TMEM108: variants seen among roughly 807,000 people sequenced by gnomAD.
The protein encoded by TMEM108 is transmembrane protein 108.
In TMEM108, 12 loss-of-function variants were observed where a neutral mutation model predicts 35.1. That is an observed-to-expected ratio of 0.34 (90% CI 0.22 to 0.55). TMEM108 has a LOEUF of 0.55. TMEM108 is among the 20% of genes least tolerant of loss of function. The probability of loss-of-function intolerance (pLI) is 0.89; values close to 1 mark genes in which losing one functional copy is unlikely to be tolerated. For missense variants in TMEM108, 680 were observed against 753.3 expected (o/e 0.90, Z 1.14); for synonymous variants, 287 against 308.6 (o/e 0.93, Z 0.73).
intron 2 of TMEM108, among the ~76,000 whole-genome samples, chr3:133,170,276 A>G (rs954853938): frequency 2.0e-5 from 3 of 152,214 alleles, no homozygotes; most frequent in African/African-American, 7.2e-5. Flanking sequence ...ATGCAAACAC[A>G]GGACTAAGTT....
At chr3:133,338,140 A>G (rs1400703081) in intron 3 of TMEM108, among the ~76,000 whole-genome samples, 1 of 152,198 alleles carries the variant, frequency 6.6e-6, no homozygotes, top group Non-Finnish European at 1.5e-5. Context: ...TAGAAAGTTT[A>G]TTGAAAGGGA....
chr3:133,072,568 C>T (rs1943688837), intron 2 of TMEM108, among the ~76,000 whole-genome samples: 1 of 152,044 alleles, frequency 6.6e-6, no homozygotes, highest in South Asian at 2.1e-4. Context: ...CCAAAGAATA[C>T]CCCACGGAAG....
At chr3:133,307,230 T>C (rs918988529) in intron 3 of TMEM108, among the ~76,000 whole-genome samples, 1 of 152,220 alleles carries the variant, frequency 6.6e-6, no homozygotes, top group African/African-American at 2.4e-5. Context: ...CTTGTTTTTT[T>C]CTTGTAAATT....
At chr3:133,291,545 T>C (rs959374864) in intron 3 of TMEM108, among the ~76,000 whole-genome samples, 1 of 152,232 alleles carries the variant, frequency 6.6e-6, no homozygotes, top group Middle Eastern at 3.4e-3. Context: ...CCCAAAGTGC[T>C]GGGATTACAG....
At position 133,273,857 on chromosome 3, in the gene TMEM108, GAAGACTTAGGGTCAGGCGT is replaced by G. The variant is rs1946804090; in HGVS notation, c.40+44509_40+44527del. Among the ~76,000 whole-genome samples the G allele has an allele frequency of 3.9e-5, 6 of 152,302 alleles. No individual in the cohort carries two copies. In the South Asian group the frequency reaches 1.2e-3, roughly 32 times the overall value. ...GACGACTCACTACCACTCTGTGAGA[GAAGACTTAGGGTCAGGCGT>G]AACAGTCAGACCAAGCAGTCTTATA... On this transcript the variant is annotated intron_variant, in intron 3 of 5. Transcript: ENST00000321871.
chr3:133,133,629 A>G (rs183883965), intron 2 of TMEM108, among the ~76,000 whole-genome samples: 1 of 149,014 alleles, frequency 6.7e-6, no homozygotes, highest in Admixed American at 6.7e-5. Flanking sequence ...AATGCCCTCC[A>G]TGTTCATGTT....
chr3:133,183,069 T>C (rs1477399972), intron 2 of TMEM108, among the ~76,000 whole-genome samples: 1 of 152,216 alleles, frequency 6.6e-6, no homozygotes. Flanking sequence ...ATCCAAAATC[T>C]GAAATCCAAA....
chr3:133,326,306 C>T (rs1384615826), intron 3 of TMEM108, among the ~76,000 whole-genome samples: 5 of 152,160 alleles, frequency 3.3e-5, no homozygotes, highest in African/African-American at 4.8e-5. Context: ...ACTTCCTGCT[C>T]ACTGTAGACT....
At chr3:133,089,394 A>G (rs940247691) in intron 2 of TMEM108, among the ~76,000 whole-genome samples, 1 of 152,240 alleles carries the variant, frequency 6.6e-6, no homozygotes, top group African/African-American at 2.4e-5. Context: ...TATTAAAAAT[A>G]AATTTTACTC....
chr3:133,135,692 A>C (rs1944555611), intron 2 of TMEM108, among the ~76,000 whole-genome samples: 2 of 152,218 alleles, frequency 1.3e-5, no homozygotes, highest in African/African-American at 4.8e-5. Context: ...AACTAAAGCA[A>C]GGCAAAGCAA....
At chr3:133,358,884 C>CA (rs1237318881) in intron 3 of TMEM108, among the ~76,000 whole-genome samples, 5 of 152,170 alleles carry the variant, frequency 3.3e-5, no homozygotes, top group Non-Finnish European at 2.9e-5. Flanking sequence ...GAAAGCAACA[C>CA]AAACAGGCCT....
intron 3 of TMEM108, among the ~76,000 whole-genome samples, chr3:133,344,167 T>G (rs1334145834): frequency 1.3e-5 from 2 of 151,344 alleles, no homozygotes; most frequent in African/African-American, 2.4e-5. Flanking sequence ...ACCCTTAAAT[T>G]CAAAAAAGTA....
chr3:133,143,485 A>G (rs1453213536), intron 2 of TMEM108, among the ~76,000 whole-genome samples: 5 of 152,022 alleles, frequency 3.3e-5, no homozygotes, highest in Admixed American at 3.3e-4. Context: ...TAATTTTATC[A>G]TAACAGCTCC....
intron 2 of TMEM108, among the ~76,000 whole-genome samples, chr3:133,128,320 C>T (rs1322648884): frequency 1.3e-5 from 2 of 152,072 alleles, no homozygotes; most frequent in Non-Finnish European, 2.9e-5. Context: ...TTAGAATGGG[C>T]CCTTGTTCAA....
Position 133,076,960 on chromosome 3 carries a change from G to GA in TMEM108, c.-47+30942dup, listed in dbSNP as rs554631831. On this transcript the variant is annotated intron_variant, in intron 2 of 5. Coordinates refer to ENST00000321871, the MANE Select transcript of TMEM108 (RefSeq NM_023943.4). ...GAATTCAGTTACCACATCAAAGCCA[G>GA]AATGACAGCACTCTGAGCTGGGAGG... Among the ~76,000 whole-genome samples, 20 of 152,364 alleles carry GA rather than the reference G, an allele frequency of 1.3e-4. No homozygotes were observed. In the South Asian group the frequency reaches 2.5e-3, roughly 19 times the overall value.
chr3:133,191,681 G>C (rs1347065597), intron 2 of TMEM108, among the ~76,000 whole-genome samples: 1 of 152,104 alleles, frequency 6.6e-6, no homozygotes, highest in Non-Finnish European at 1.5e-5. Context: ...CCAACTTCCT[G>C]CTTCTACCTA....
At chr3:133,128,890 G>A (rs1173750437) in intron 2 of TMEM108, among the ~76,000 whole-genome samples, 1 of 152,098 alleles carries the variant, frequency 6.6e-6, no homozygotes, top group Non-Finnish European at 1.5e-5. Context: ...CTGATTGTCT[G>A]TTCTTCCCAT....
chr3:133,040,805 C>T (rs1217793547), intron 1 of TMEM108, among the ~76,000 whole-genome samples: 1 of 152,190 alleles, frequency 6.6e-6, no homozygotes, highest in African/African-American at 2.4e-5. Context: ...TAAAAGCCCA[C>T]TAGTGTTGCT....
intron 3 of TMEM108, among the ~76,000 whole-genome samples, chr3:133,301,460 T>A (rs1375979101): frequency 1.3e-5 from 2 of 152,202 alleles, no homozygotes; most frequent in African/African-American, 4.8e-5. Flanking sequence ...CAGTGGGCAT[T>A]GCTGAAAAGC....
Sources: allele counts gnomAD v4.1 joint callset (sites outside exome capture counted in the v4.1 genomes callset), GRCh38; gene constraint gnomAD v4.1.1; transcripts MANE v1.5; gene names NCBI Gene and HGNC (gene_info 2026-07-23, HGNC 2026-07-21).